The following RNF152 variants were observed in gnomAD, a reference collection of about 807,000 sequenced individuals.
RNF152 encodes the protein E3 ubiquitin-protein ligase RNF152.
A neutral mutation model predicts 12.7 loss-of-function variants in RNF152; 11 were observed. The observed-to-expected ratio is 0.86, with a 90% CI of 0.54 to 1.43. The LOEUF is 1.43. RNF152 is among the 40% of genes most tolerant of loss of function. RNF152 has a pLI of 0.00. For synonymous variants in RNF152, 113 were observed against 120.3 expected (o/e 0.94, Z 0.40); for missense variants, 255 against 274.8 (o/e 0.93, Z 0.51).
chr18:61,836,312 GA>G (rs1002553726), intron 1 of RNF152, among the ~76,000 whole-genome samples: 5 of 147,844 alleles, frequency 3.4e-5, no homozygotes, highest in Non-Finnish European at 4.5e-5. Flanking sequence ...TTTGAATATT[GA>G]AAAAAAAAAG....
chr18:61,826,438 G>A (rs1047697326), intron 1 of RNF152, among the ~76,000 whole-genome samples: 1 of 152,066 alleles, frequency 6.6e-6, no homozygotes, highest in African/African-American at 2.4e-5. Flanking sequence ...AAACCCATTT[G>A]TCTTTCCTAA....
intron 1 of RNF152, among the ~76,000 whole-genome samples, chr18:61,836,104 C>T (rs781440422): frequency 6.6e-6 from 1 of 152,158 alleles, no homozygotes; most frequent in Non-Finnish European, 1.5e-5. Flanking sequence ...ACACTTAGTT[C>T]CTAGATCTTG....
intron 1 of RNF152, among the ~76,000 whole-genome samples, chr18:61,831,198 C>T (rs1351807802): frequency 1.3e-5 from 2 of 152,226 alleles, no homozygotes; most frequent in Non-Finnish European, 2.9e-5. Flanking sequence ...GTGCACCAGG[C>T]TGGAGCTGGT....
At chr18:61,887,808 G>C (rs1912767643) in intron 1 of RNF152, among the ~76,000 whole-genome samples, 1 of 152,044 alleles carries the variant, frequency 6.6e-6, no homozygotes, top group African/African-American at 2.4e-5. Context: ...AGTGCACCAA[G>C]TGTGATTATC....
intron 1 of RNF152, among the ~76,000 whole-genome samples, chr18:61,848,615 G>C (rs1183790691): frequency 6.6e-6 from 1 of 152,198 alleles, no homozygotes; most frequent in Non-Finnish European, 1.5e-5. Flanking sequence ...GTAGGTCTAT[G>C]CAGGGTTAAG....
rs932407774 is a variant in RNF152, at chr18:61,814,658, A to G, written c.*1194T>C. The G allele has an allele frequency of 1.3e-5, 2 of 152,232 alleles. No individual in the cohort carries two copies. Among genetic ancestry groups the G allele is most frequent in the East Asian group, 3.8e-4 (2 of 5,206 alleles). The allele number at this position is 152,232 out of a possible 1,614,324, so 9.4% of individuals were successfully genotyped here. ...GTTAAAATACAGGAGATCTTCTCTCATATCAACAAGAGGAAACAGGAATTC... is the reference window on the plus strand; with the variant it reads ...GTTAAAATACAGGAGATCTTCTCTCGTATCAACAAGAGGAAACAGGAATTC... On this transcript the variant is annotated 3_prime_UTR_variant, in exon 2 of 2. Coordinates refer to ENST00000312828, the MANE Select transcript of RNF152 (RefSeq NM_173557.3).
intron 1 of RNF152, among the ~76,000 whole-genome samples, chr18:61,818,900 C>T (rs373293768): frequency 7.2e-5 from 11 of 152,214 alleles, no homozygotes; most frequent in South Asian, 4.2e-4. Flanking sequence ...GATGGGAGCG[C>T]TAAGTACTTA....
chr18:61,816,255 G>C lies in RNF152; in HGVS notation c.209C>G (p.Pro70Arg), dbSNP rs777722574. ...GACAGCCAGGACCTCCGGGTCGTCC[G>C]GGAGCTGCGACACGGAGAAGCCGGG... ...LPPGFSVSQL[P>R]DDPEVLAVIA... The change falls in exon 2 of 2, where the codon CCG becomes CGG. Residue 70 changes from proline (P) to arginine (R), a missense_variant. Coordinates refer to ENST00000312828, the MANE Select transcript of RNF152 (RefSeq NM_173557.3). 1 of 1,614,202 alleles carries C rather than the reference G, an allele frequency of 6.2e-7. No individual in the cohort carries two copies. The highest frequency in any genetic ancestry group is 8.5e-7 in the Non-Finnish European group (1 of 1,180,038).
intron 1 of RNF152, among the ~76,000 whole-genome samples, chr18:61,878,304 C>T (rs780349342): frequency 6.6e-6 from 1 of 152,208 alleles, no homozygotes; most frequent in Non-Finnish European, 1.5e-5. Context: ...AAACATCCCA[C>T]ACTGCACAGG....
At chr18:61,863,380 A>G (rs1023947746) in intron 1 of RNF152, among the ~76,000 whole-genome samples, 2 of 147,760 alleles carry the variant, frequency 1.4e-5, no homozygotes, top group Non-Finnish European at 3.0e-5. Context: ...GGTTGCAGTG[A>G]GCGGCGATCG....
upstream of RNF152, chr18:61,894,128 A>G (rs1465400804): frequency 6.6e-6 from 1 of 152,064 alleles, no homozygotes; most frequent in Non-Finnish European, 1.5e-5. The surrounding 1 kb of genome is among the most constrained non-coding windows in gnomAD (Gnocchi z 4.9). Flanking sequence ...CAGAGCAGAG[A>G]AACAAACCGA....
intron 1 of RNF152, among the ~76,000 whole-genome samples, chr18:61,861,014 T>C (rs975879045): frequency 2.6e-5 from 4 of 152,236 alleles, no homozygotes; most frequent in African/African-American, 4.8e-5. Flanking sequence ...TGATTTAATC[T>C]AAGTGTTATT....
At chr18:61,856,077 G>T (rs1417635724) in intron 1 of RNF152, among the ~76,000 whole-genome samples, 2 of 152,156 alleles carry the variant, frequency 1.3e-5, no homozygotes, top group African/African-American at 4.8e-5. Context: ...GTTCTCATCT[G>T]CAAGGGGAGA....
At chr18:61,839,659 GC>G (rs1257476818) in intron 1 of RNF152, among the ~76,000 whole-genome samples, 2 of 152,128 alleles carry the variant, frequency 1.3e-5, no homozygotes, top group Non-Finnish European at 2.9e-5. Flanking sequence ...ACTTTGGGAG[GC>G]TGAGGCGGGC....
At chr18:61,880,452 T>TCCAGCA (rs1289011360) in intron 1 of RNF152, among the ~76,000 whole-genome samples, 7 of 152,176 alleles carry the variant, frequency 4.6e-5, no homozygotes, top group Non-Finnish European at 8.8e-5. Context: ...CAGTTCCAGC[T>TCCAGCA]CCAGCACAAA....
At chr18:61,875,656 C>A (rs1230491680) in intron 1 of RNF152, among the ~76,000 whole-genome samples, 1 of 152,170 alleles carries the variant, frequency 6.6e-6, no homozygotes, top group African/African-American at 2.4e-5. Flanking sequence ...TTTTTCCCTG[C>A]AATTTTATAT....
In RNF152 at chr18:61,812,317, C is replaced by T. The variant is rs1908843153; in HGVS notation, c.*3535G>A. ...GACGGCACAGGTTTTCGAGCATTTCCATCATCACAGAAAGCCCTATTGAAC... is the reference window on the plus strand; with the variant it reads ...GACGGCACAGGTTTTCGAGCATTTCTATCATCACAGAAAGCCCTATTGAAC... On this transcript the variant is annotated 3_prime_UTR_variant, in exon 2 of 2. Transcript: ENST00000312828. The T allele has an allele frequency of 6.6e-6, 1 of 152,210 alleles. No homozygotes were observed. The highest frequency in any genetic ancestry group is 2.4e-5 in the African/African-American group (1 of 41,446). The allele number at this position is 152,210 out of a possible 1,614,324, so 9.4% of individuals were successfully genotyped here.
intron 1 of RNF152, among the ~76,000 whole-genome samples, chr18:61,855,666 G>C (rs1333098297): frequency 6.6e-6 from 1 of 152,238 alleles, no homozygotes; most frequent in African/African-American, 2.4e-5. Flanking sequence ...GCTGTGCACA[G>C]TGGCTGGACC....
At chr18:61,888,645 T>G (rs911689570) in intron 1 of RNF152, 1 of 152,226 alleles carries the variant, frequency 6.6e-6, no homozygotes, top group Admixed American at 6.5e-5. Context: ...AAATGCATTT[T>G]CCACTTACAA....
Sources: gnomAD v4.1 joint callset for allele counts (sites outside exome capture counted in the v4.1 genomes callset) on GRCh38, gnomAD v4.1.1 for gene constraint, Gnocchi (gnomAD v3.1) non-coding constraint, MANE v1.5 for transcripts, NCBI Gene and HGNC (gene_info 2026-07-23, HGNC 2026-07-21) for gene names.